TMEM272: variants seen among roughly 807,000 people sequenced by gnomAD.
TMEM272 encodes the protein long intergenic non-protein coding RNA 282.
In TMEM272, 8 loss-of-function variants were observed where a neutral mutation model predicts 3.7. That is an observed-to-expected ratio of 2.17 (90% confidence interval 1.27 to 3.91). The LOEUF is 3.91. Ranked by LOEUF, TMEM272 falls within the 30% of genes most tolerant of loss-of-function variation. The pLI, the probability that TMEM272 is intolerant of heterozygous loss-of-function variation, is 0.00. For missense variants in TMEM272, 166 were observed against 91.5 expected (o/e 1.81, Z -3.32); for synonymous variants, 63 against 39.8 (o/e 1.58, Z -2.20).
At chr13:51,869,690 A>C in the TMEM272 span, among the ~76,000 whole-genome samples, 1 of 151,984 alleles carries the variant, frequency 6.6e-6, no homozygotes, top group African/African-American at 2.4e-5. Flanking sequence ...GGGTTTCGCC[A>C]TGTTGTCCAG....
chr13:51,898,462 T>C, the TMEM272 span, among the ~76,000 whole-genome samples: 1 of 151,726 alleles, frequency 6.6e-6, no homozygotes, highest in Non-Finnish European at 1.5e-5. Context: ...GATGGAGAAA[T>C]GGGCAACTGA....
At chr13:51,820,500 C>T (rs1049360209) in intron 4 of TMEM272, among the ~76,000 whole-genome samples, 3 of 152,142 alleles carry the variant, frequency 2.0e-5, no homozygotes, top group Non-Finnish European at 4.4e-5. Flanking sequence ...ATCAATGCTG[C>T]TTATTAGGGC....
upstream of TMEM272, among the ~76,000 whole-genome samples, chr13:51,846,037 A>G (rs1316821785): frequency 6.6e-6 from 1 of 152,224 alleles, no homozygotes; most frequent in Non-Finnish European, 1.5e-5. Context: ...AGGCAAGAGA[A>G]GAGCCTATTA....
upstream of TMEM272, among the ~76,000 whole-genome samples, chr13:51,847,600 A>G (rs1956313207): frequency 6.6e-6 from 1 of 152,168 alleles, no homozygotes; most frequent in Non-Finnish European, 1.5e-5. Context: ...ACATATACCC[A>G]TGGTTCAGTG....
At chr13:51,910,348 G>A in the TMEM272 span, 1 of 1,241,650 alleles carries the variant, frequency 8.1e-7, no homozygotes, top group African/African-American at 1.5e-5. Context: ...TTTTCAAGTA[G>A]TCTACATTTT....
intron 3 of TMEM272, among the ~76,000 whole-genome samples, chr13:51,823,550 C>T (rs780923804): frequency 3.3e-5 from 5 of 152,224 alleles, no homozygotes; most frequent in Non-Finnish European, 7.3e-5. Flanking sequence ...ATGGAATTTG[C>T]GTAAGCAAGA....
chr13:51,901,939 A>C, the TMEM272 span, among the ~76,000 whole-genome samples: 1 of 152,128 alleles, frequency 6.6e-6, no homozygotes, highest in Non-Finnish European at 1.5e-5. Context: ...GGCCTTTCTC[A>C]CTCTGTCATC....
At chr13:51,871,265 A>G in the TMEM272 span, among the ~76,000 whole-genome samples, 1 of 148,372 alleles carries the variant, frequency 6.7e-6, no homozygotes, top group Non-Finnish European at 1.5e-5. Flanking sequence ...ATCTCGGCTC[A>G]CTGCAAGCTC....
At chr13:51,868,508 A>T in the TMEM272 span, among the ~76,000 whole-genome samples, 2 of 152,256 alleles carry the variant, frequency 1.3e-5, no homozygotes, top group Non-Finnish European at 2.9e-5. Flanking sequence ...TAGAGTGCAG[A>T]TAACATTCAC....
In TMEM272 at chr13:51,814,475, G is replaced by T. The variant is rs1385401807; in HGVS notation, c.*2276C>A. ...CAGAAGGGGGTAATTTTGTTTTTTA[G>T]AGATGGGGTCTCATTCTGTCACCCA... On this transcript the variant is annotated 3_prime_UTR_variant, in exon 5 of 5. Coordinates refer to ENST00000629372, the MANE Select transcript of TMEM272 (RefSeq NM_001351003.2). 1 of 152,252 alleles carries T rather than the reference G, an allele frequency of 6.6e-6. No individual in the cohort carries two copies. The highest frequency in any genetic ancestry group is 1.5e-5 in the Non-Finnish European group (1 of 68,074). The allele number at this position is 152,252 out of a possible 1,614,324, so 9.4% of individuals were successfully genotyped here. A position where few individuals can be genotyped will look rare whatever the true frequency, so the allele number is the denominator to read the frequency against.
chr13:51,910,187 T>C, the TMEM272 span: 3 of 1,108,704 alleles, frequency 2.7e-6, no homozygotes, highest in Non-Finnish European at 4.2e-6. Context: ...CTAGACAGAG[T>C]ATTTCATGCT....
intron 2 of TMEM272, among the ~76,000 whole-genome samples, chr13:51,834,033 G>A (rs747951519): frequency 6.6e-6 from 1 of 152,158 alleles, no homozygotes; most frequent in Non-Finnish European, 1.5e-5. Context: ...TAGGGAGGCG[G>A]CACCAGGTCC....
At chr13:51,901,878 AG>A in the TMEM272 span, among the ~76,000 whole-genome samples, 2 of 152,246 alleles carry the variant, frequency 1.3e-5, no homozygotes, top group Admixed American at 6.5e-5. Flanking sequence ...AAATTTGTGC[AG>A]AAAATCCACA....
chr13:51,863,426 G>C, the TMEM272 span, among the ~76,000 whole-genome samples: 2 of 152,194 alleles, frequency 1.3e-5, no homozygotes, highest in Non-Finnish European at 2.9e-5. Flanking sequence ...AGAGCAGCGA[G>C]ACTGTTACAG....
At chr13:51,892,193 C>T in the TMEM272 span, among the ~76,000 whole-genome samples, 1 of 152,018 alleles carries the variant, frequency 6.6e-6, no homozygotes, top group Non-Finnish European at 1.5e-5. Flanking sequence ...TAGTCTCTGC[C>T]CCTCAGGGGT....
At chr13:51,891,559 G>C in the TMEM272 span, among the ~76,000 whole-genome samples, 2,199 of 152,302 alleles carry the variant, frequency 0.014, 59 homozygotes, top group African/African-American at 0.05. Context: ...AGCCCAGGCT[G>C]GGGGAGGTGG....
chr13:51,817,236 T>G (rs1593588796), intron 4 of TMEM272, 123 bp from the exon 5 acceptor site: 2 of 595,378 alleles, frequency 3.4e-6, no homozygotes. Context: ...GAGAGGAAGG[T>G]GTTATGAAAA....
At chr13:51,865,269 GAA>G in the TMEM272 span, 1 of 853,120 alleles carries the variant, frequency 1.2e-6, no homozygotes, top group South Asian at 1.8e-5. Flanking sequence ...CAGTAGTACA[GAA>G]CCAAGGGCCG....
chr13:51,881,569 C>A, the TMEM272 span, among the ~76,000 whole-genome samples: 1 of 152,088 alleles, frequency 6.6e-6, no homozygotes, highest in Non-Finnish European at 1.5e-5. Context: ...TGTATGTGAG[C>A]TCACAAAACT....
Sources: gnomAD v4.1 joint callset for allele counts (sites outside exome capture counted in the v4.1 genomes callset) on GRCh38, gnomAD v4.1.1 for gene constraint, MANE v1.5 for transcripts, NCBI Gene and HGNC (gene_info 2026-07-23, HGNC 2026-07-21) for gene names.